ACADS: variants seen among roughly 807,000 people sequenced by gnomAD.
ACADS encodes the protein short-chain specific acyl-CoA dehydrogenase, mitochondrial.
In ACADS, 28 loss-of-function variants were observed where a neutral mutation model predicts 46.8. The observed-to-expected ratio is 0.60, with a 90% CI of 0.44 to 0.82. The LOEUF is 0.82. Ranked by LOEUF, ACADS falls within the 40% of genes least tolerant of loss-of-function variation. The pLI is 0.00. For synonymous variants in ACADS, 236 were observed against 237.7 expected, an observed-to-expected ratio of 0.99 and a Z score of 0.07; for missense variants, 528 against 578.0, an observed-to-expected ratio of 0.91 and a Z score of 0.89.
rs1452790425 is a variant in ACADS at position 120,739,752 on chromosome 12, G to A, written c.*304G>A. On this transcript the variant is annotated 3_prime_UTR_variant, in exon 10 of 10. Coordinates refer to ENST00000242592, the MANE Select transcript of ACADS (RefSeq NM_000017.4). Reference sequence around the variant, plus strand: ...TCAGGGACACCTCAGTTGTCCTCCCGCGGGCCCTGGTGCCCTGGCATGAAG... The same window carrying A: ...TCAGGGACACCTCAGTTGTCCTCCCACGGGCCCTGGTGCCCTGGCATGAAG... 5 of 443,140 alleles carry A rather than the reference G, an allele frequency of 1.1e-5. No individual in the cohort carries two copies. The highest frequency in any genetic ancestry group is 5.9e-5 in the African/African-American group (3 of 50,528). The allele number at this position is 443,140 out of a possible 1,614,324, so 27.5% of individuals were successfully genotyped here.
At chr12:120,734,043 G>T (rs1393611511) in intron 2 of ACADS, among the ~76,000 whole-genome samples, 1 of 152,054 alleles carries the variant, frequency 6.6e-6, no homozygotes, top group Non-Finnish European at 1.5e-5. Flanking sequence ...AGTTCTAGAG[G>T]CCGCCTGCAT....
At chr12:120,736,210 G>T (rs1224647755) in intron 2 of ACADS, among the ~76,000 whole-genome samples, 1 of 152,020 alleles carries the variant, frequency 6.6e-6, no homozygotes, top group African/African-American at 2.4e-5. Flanking sequence ...TCGAACTCCT[G>T]GCCTCAAGCA....
intron 1 of ACADS, 25 bp downstream of exon 1, chr12:120,725,956 G>A: frequency 1.3e-6 from 2 of 1,526,124 alleles, no homozygotes; most frequent in Non-Finnish European, 1.7e-6. Context: ...GATCCGTACG[G>A]CGGGGCTTCA....
chr12:120,738,612 A>C lies in ACADS; in HGVS notation c.875A>C (p.Asn292Thr). 1 of 1,613,392 alleles carries C rather than the reference A, an allele frequency of 6.2e-7. No homozygotes were observed. Among genetic ancestry groups the C allele is most frequent in the South Asian group, 1.1e-5 (1 of 91,092 alleles). Reference protein sequence around the residue: ...IAQTALDCAVNYAENRMAFGA... With the variant: ...IAQTALDCAVTYAENRMAFGA... ...CAGACCGCCCTCGATTGTGCTGTGA[A>C]CTACGCTGAGAATCGCATGGCCTTC... The change falls in exon 7 of 10, where the codon AAC (asparagine) becomes ACC (threonine). Residue 292 changes from asparagine (N) to threonine (T), a missense_variant. Transcript: ENST00000242592.
chr12:120,736,672 C>T lies in ACADS; in HGVS notation c.211-314C>T, dbSNP rs1883448365. Among the ~76,000 whole-genome samples, 3 of 152,136 alleles carry T rather than the reference C, an allele frequency of 2.0e-5. No homozygotes were observed. The South Asian group carries it at 6.2e-4, about 32-fold the overall frequency. The stretch of plus-strand genomic sequence containing the variant: ...TGGACGAAGGTCAGTGTGGCTCACG[C>T]TGTCCTGCTCCTTACCTCTGAGTTC... On this transcript the variant is annotated intron_variant, in intron 2 of 9. Coordinates refer to ENST00000242592, the MANE Select transcript of ACADS (RefSeq NM_000017.4).
chr12:120,737,140 G>GC lies in ACADS; in HGVS notation c.360+10dup. On this transcript the variant is annotated splice_donor_region_variant and intron_variant, in intron 3 of 9. Coordinates refer to ENST00000242592, the MANE Select transcript of ACADS (RefSeq NM_000017.4). ...GTCATCATGAGTGTCAACAACGTGA[G>GC]CCCCCTCCCAGGCCCCTGGGACACA... The GC allele has an allele frequency of 9.5e-6, 15 of 1,576,590 alleles. No individual in the cohort carries two copies. The highest frequency in any genetic ancestry group is 1.3e-5 in the Non-Finnish European group (15 of 1,160,004).
chr12:120,736,168 G>A, intron 2 of ACADS, among the ~76,000 whole-genome samples: 1 of 135,490 alleles, frequency 7.4e-6, no homozygotes, highest in Non-Finnish European at 1.7e-5. Context: ...TTTTGGTAGA[G>A]ATGGGGTCTT....
intron 4 of ACADS, 143 bp downstream of exon 4, chr12:120,737,610 G>T: frequency 9.5e-7 from 1 of 1,056,864 alleles, no homozygotes; most frequent in Non-Finnish European, 1.4e-6. Context: ...TCTTGCCACC[G>T]CGGCGCTGGG....
chr12:120,729,867 T>C (rs1323750854), intron 2 of ACADS, among the ~76,000 whole-genome samples: 1 of 152,224 alleles, frequency 6.6e-6, no homozygotes, highest in Non-Finnish European at 1.5e-5. Context: ...GCTGTGCTCT[T>C]AGGTGCTGCC....
intron 7 of ACADS, 21 bp downstream of exon 7, chr12:120,738,691 AGCTGG>A (rs763573514): frequency 1.2e-6 from 2 of 1,610,198 alleles, no homozygotes; most frequent in Non-Finnish European, 1.7e-6. Flanking sequence ...CAGCTTTAGG[AGCTGG>A]GCCTAGAGGC....
At chr12:120,733,236 GGGGAGAGGGAGAGGGAGA>G (rs377205641) in intron 2 of ACADS, among the ~76,000 whole-genome samples, 1 of 151,606 alleles carries the variant, frequency 6.6e-6, no homozygotes, top group Non-Finnish European at 1.5e-5. Context: ...GGGAGACCGG[GGGGAGAGGGAGAGGGAGA>G]GGGAGAGGGA....
chr12:120,738,746 C>T lies in ACADS; in HGVS notation c.934-74C>T, dbSNP rs487915. 0.066 allele frequency: 106,946 copies of T among 1,610,372 alleles called. 4,673 individuals are homozygous for T. The highest frequency in any genetic ancestry group is 0.23 in the East Asian group (10,278 of 44,854). On this transcript the variant is annotated intron_variant, in intron 7 of 9. Transcript: ENST00000242592. The stretch of plus-strand genomic sequence containing the variant: ...AGAGTGTGGCCTCCTGACTGCTCTC[C>T]GTCCTCCTCCCCCTCCCTTCTGTCC...
Position 120,739,272 on chromosome 12 carries a change from C to A in ACADS, c.1087-24C>A, listed in dbSNP as rs1281803773. 2.5e-6 allele frequency: 4 copies of A among 1,613,022 alleles called. No homozygotes were observed. The South Asian group carries it at 4.4e-5, about 18-fold the overall frequency. Reference sequence around the variant, plus strand: ...TTCCCCACGCCGGGGTCTTCTCCCTCCTGAGCCACTGTTCTCATCTCAGGC... The same window carrying A: ...TTCCCCACGCCGGGGTCTTCTCCCTACTGAGCCACTGTTCTCATCTCAGGC... On this transcript the variant is annotated intron_variant, in intron 9 of 9. Transcript: ENST00000242592.
Position 120,738,362 on chromosome 12 carries a change from C to T in ACADS, c.707C>T (p.Ser236Leu), listed in dbSNP as rs778800901. ...GAAGACAAGCTGGGCATCCGGGGCT[C>T]ATCCACGGCCAACCTCATCTTTGAG... ...KKEDKLGIRG[S>L]STANLIFEDC... The change falls in exon 6 of 10, where the codon TCA (serine) becomes TTA (leucine). Residue 236 changes from serine (S) to leucine (L), a missense_variant. Ser to Leu is a moderately radical substitution (Grantham distance 145). Coordinates refer to ENST00000242592, the MANE Select transcript of ACADS (RefSeq NM_000017.4). 24 of 1,614,174 alleles carry T rather than the reference C, an allele frequency of 1.5e-5. No homozygotes were observed. Among genetic ancestry groups the T allele is most frequent in the Non-Finnish European group, 1.9e-5 (23 of 1,180,052 alleles).
intron 4 of ACADS, 48 bp downstream of exon 4, chr12:120,737,515 G>T (rs1346949753): frequency 1.3e-6 from 2 of 1,532,076 alleles, no homozygotes; most frequent in South Asian, 2.3e-5. Context: ...AGGCCCAGAG[G>T]GGAGGAGAGG....
intron 4 of ACADS, 148 bp from the exon 5 acceptor site, chr12:120,737,689 C>T (rs1247525193): frequency 4.0e-6 from 5 of 1,242,590 alleles, no homozygotes; most frequent in Non-Finnish European, 5.6e-6. Flanking sequence ...GCCCTCTGGT[C>T]CCATCACTGA....
chr12:120,733,104 C>T (rs554114663), intron 2 of ACADS, among the ~76,000 whole-genome samples: 24 of 152,360 alleles, frequency 1.6e-4, no homozygotes, highest in African/African-American at 4.1e-4. Context: ...CGCCTGCAAT[C>T]GCAGGCACTC....
intron 2 of ACADS, among the ~76,000 whole-genome samples, chr12:120,734,749 A>G (rs920385886): frequency 8.4e-6 from 1 of 118,702 alleles, no homozygotes; most frequent in African/African-American, 4.2e-5. Flanking sequence ...CTAAAAAAAC[A>G]ATAATTTTTT....
chr12:120,732,809 C>G (rs1451999703), intron 2 of ACADS, among the ~76,000 whole-genome samples: 1 of 152,252 alleles, frequency 6.6e-6, no homozygotes, highest in Non-Finnish European at 1.5e-5. Flanking sequence ...TCCTCATTTC[C>G]CAGACGGGGT....
Sources: gnomAD v4.1 joint callset for allele counts (sites outside exome capture counted in the v4.1 genomes callset) on GRCh38, gnomAD v4.1.1 for gene constraint, MANE v1.5 for transcripts, NCBI Gene and HGNC (gene_info 2026-07-23, HGNC 2026-07-21) for gene names.